Variants in KIZ observed in about 807,000 individuals in gnomAD.
KIZ encodes the protein centrosomal protein kizuna.
A neutral mutation model predicts 79.6 loss-of-function variants in KIZ; 68 were observed. The ratio of observed to expected loss-of-function variants is 0.85; its 90% CI spans 0.70 to 1.05. KIZ has a LOEUF of 1.05. Among genes scored for constraint, KIZ ranks in the 50% least tolerant of loss-of-function variants. The pLI is 0.00. For synonymous variants in KIZ, 280 were observed against 281.8 expected, an observed-to-expected ratio of 0.99 and a Z score of 0.06; for missense variants, 797 against 800.4, an observed-to-expected ratio of 1.00 and a Z score of 0.05.
chr20:21,167,369 G>A (rs1016509028), intron 6 of KIZ, among the ~76,000 whole-genome samples: 1 of 152,138 alleles, frequency 6.6e-6, no homozygotes, highest in African/African-American at 2.4e-5. Context: ...AGCTGAGTGA[G>A]TGATTCAGCA....
At chr20:21,170,390 TC>T (rs1217023146) in intron 6 of KIZ, among the ~76,000 whole-genome samples, 1 of 151,308 alleles carries the variant, frequency 6.6e-6, no homozygotes. Context: ...AAATACTAGA[TC>T]TTTTTTTTTT....
In KIZ at chr20:21,232,716, T is replaced by C. The variant is rs775078059; in HGVS notation, c.1784-18T>C. 3.7e-6 allele frequency: 5 copies of C among 1,366,656 alleles called. No homozygotes were observed. The highest frequency in any genetic ancestry group is 1.2e-5 in the South Asian group (1 of 81,814). The allele number at this position is 1,366,656 out of a possible 1,614,324, so 84.7% of individuals were successfully genotyped here. ...CATGACAGCTAACCCTCACTCTCCA[T>C]GTTTACGCTTATCACAGGTTTGAAT... On this transcript the variant is annotated intron_variant, in intron 10 of 12. Transcript: ENST00000619189.
At chr20:21,209,250 G>A (rs894346021) in intron 7 of KIZ, among the ~76,000 whole-genome samples, 2 of 152,104 alleles carry the variant, frequency 1.3e-5, no homozygotes, top group African/African-American at 4.8e-5. Flanking sequence ...AACCTATTAG[G>A]CAATTACATA....
intron 6 of KIZ, among the ~76,000 whole-genome samples, chr20:21,200,822 C>T (rs1191766136): frequency 6.6e-6 from 1 of 152,068 alleles, no homozygotes; most frequent in African/African-American, 2.4e-5. Context: ...CAAAATAAAG[C>T]ATCTTAAGAG....
At chr20:21,164,217 A>G (rs2033826970) in intron 6 of KIZ, among the ~76,000 whole-genome samples, 1 of 152,226 alleles carries the variant, frequency 6.6e-6, no homozygotes, top group African/African-American at 2.4e-5. Flanking sequence ...GTACCTTTTA[A>G]TATATTGCCT....
At chr20:21,241,958 T>C (rs2037233761) in intron 11 of KIZ, among the ~76,000 whole-genome samples, 1 of 152,158 alleles carries the variant, frequency 6.6e-6, no homozygotes, top group South Asian at 2.1e-4. Context: ...TGAATAGAAA[T>C]ATGTAAATCA....
intron 6 of KIZ, among the ~76,000 whole-genome samples, chr20:21,182,734 T>G (rs1568953034): frequency 1.3e-5 from 2 of 150,612 alleles, no homozygotes; most frequent in Non-Finnish European, 3.0e-5. Flanking sequence ...GAGGCAGAGG[T>G]TGCAGTGAGC....
At chr20:21,172,423 T>G (rs1260904380) in intron 6 of KIZ, among the ~76,000 whole-genome samples, 1 of 152,042 alleles carries the variant, frequency 6.6e-6, no homozygotes, top group Non-Finnish European at 1.5e-5. Context: ...GGCAACGTGG[T>G]GAAACCTCGT....
intron 4 of KIZ, chr20:21,153,949 C>G (rs2033243675): frequency 6.6e-6 from 1 of 152,046 alleles, no homozygotes. Context: ...ATGAATTGGA[C>G]ACAATTCAGT....
rs574800642 is a variant in KIZ, at chr20:21,225,644, G to C, written c.1679-3367G>C. Among the ~76,000 whole-genome samples the C allele has an allele frequency of 2.6e-5, 4 of 152,238 alleles. No individual in the cohort carries two copies. The East Asian group carries it at 7.7e-4, about 29-fold the overall frequency. On this transcript the variant is annotated intron_variant, in intron 9 of 12. Coordinates refer to ENST00000619189, the MANE Select transcript of KIZ (RefSeq NM_018474.6). The stretch of plus-strand genomic sequence containing the variant: ...ATTTGTTCATTCATTTAATAACTAT[G>C]AATTTGCAGAGCAGCAACAAAGTGG...
intron 11 of KIZ, among the ~76,000 whole-genome samples, chr20:21,236,311 G>C (rs966780976): frequency 6.6e-5 from 10 of 152,134 alleles, no homozygotes; most frequent in Non-Finnish European, 1.3e-4. Context: ...ATAGTCATTG[G>C]GATTTTTTTC....
intron 7 of KIZ, among the ~76,000 whole-genome samples, chr20:21,208,661 C>T (rs573865018): frequency 1.3e-5 from 2 of 151,222 alleles, no homozygotes; most frequent in Admixed American, 1.3e-4. Flanking sequence ...GAGATTGCGC[C>T]ACTGCACTCC....
At chr20:21,209,941 G>A (rs1385502774) in intron 7 of KIZ, among the ~76,000 whole-genome samples, 3 of 140,360 alleles carry the variant, frequency 2.1e-5, no homozygotes, top group Non-Finnish European at 4.7e-5. Context: ...TTAAAAACAA[G>A]CATTAAAAAT....
rs117125911 is a variant in KIZ at position 21,238,350 on chromosome 20, A to T, written c.1880+5520A>T. Among the ~76,000 whole-genome samples the T allele has an allele frequency of 9.4e-4, 75 of 79,408 alleles. 1 individual carries two copies. The highest frequency in any genetic ancestry group is 2.3e-3 in the African/African-American group (69 of 29,796). The allele number at this position is 79,408 out of a possible 152,430, so 52.1% of individuals were successfully genotyped here. A position where few individuals can be genotyped will look rare whatever the true frequency, so the allele number is the denominator to read the frequency against. On this transcript the variant is annotated intron_variant, in intron 11 of 12. Coordinates refer to ENST00000619189, the MANE Select transcript of KIZ (RefSeq NM_018474.6). Reference sequence around the variant, plus strand: ...ATAAGGGTGTGAGAGAGAGAGAGAGAGAGTGTGTGTGTGTGTGAGAGGGTG... The same window carrying T: ...ATAAGGGTGTGAGAGAGAGAGAGAGTGAGTGTGTGTGTGTGTGAGAGGGTG...
At chr20:21,147,469 C>A (rs1600383909) in intron 4 of KIZ, among the ~76,000 whole-genome samples, 1 of 152,246 alleles carries the variant, frequency 6.6e-6, no homozygotes, top group East Asian at 1.9e-4. Flanking sequence ...TGAACCATTC[C>A]TTATCATATG....
intron 6 of KIZ, among the ~76,000 whole-genome samples, chr20:21,181,955 C>T (rs770002760): frequency 9.9e-5 from 15 of 152,154 alleles, no homozygotes; most frequent in Non-Finnish European, 2.1e-4. Flanking sequence ...TTGGTACTGC[C>T]CATCACTTTT....
intron 6 of KIZ, chr20:21,202,312 A>G (rs2035630554): frequency 6.6e-6 from 1 of 152,254 alleles, no homozygotes; most frequent in Non-Finnish European, 1.5e-5. Context: ...TAAGAAATGT[A>G]CCTGCTGAAT....
At chr20:21,212,138 C>T (rs1171463367) in intron 7 of KIZ, among the ~76,000 whole-genome samples, 1 of 152,178 alleles carries the variant, frequency 6.6e-6, no homozygotes, top group Non-Finnish European at 1.5e-5. Context: ...CTTGTCTATC[C>T]TTGTCTGAGA....
At position 21,126,092 on chromosome 20, in the gene KIZ, C is replaced by T. The variant is rs750087387; in HGVS notation, c.-24C>T. 1.3e-6 allele frequency: 2 copies of T among 1,504,232 alleles called. No homozygotes were observed. Among genetic ancestry groups the T allele is most frequent in the Non-Finnish European group, 1.8e-6 (2 of 1,128,102 alleles). The allele number at this position is 1,504,232 out of a possible 1,614,324, so 93.2% of individuals were successfully genotyped here. ...GCCGAACGGCCACCCAGAGGCTGTG[C>T]TGAGCTGGCGCAGCGGCAGCAGCAT... On this transcript the variant is annotated 5_prime_UTR_variant, in exon 1 of 13. Coordinates refer to ENST00000619189, the MANE Select transcript of KIZ (RefSeq NM_018474.6).
Sources: gnomAD v4.1 joint callset for allele counts (sites outside exome capture counted in the v4.1 genomes callset) on GRCh38, gnomAD v4.1.1 for gene constraint, MANE v1.5 for transcripts, NCBI Gene and HGNC (gene_info 2026-07-23, HGNC 2026-07-21) for gene names.